Variants in EXOC6B observed in about 807,000 individuals in gnomAD.
The protein encoded by EXOC6B is SEC15 homolog B.
EXOC6B carries 54 observed loss-of-function variants against 113.5 expected under a neutral mutation model. The observed-to-expected ratio is 0.48, with a 90% CI of 0.38 to 0.60. EXOC6B has a LOEUF of 0.60. EXOC6B is among the 20% of genes least tolerant of loss of function. The probability of loss-of-function intolerance (pLI) is 0.00; values close to 1 mark genes in which losing one functional copy is unlikely to be tolerated. For synonymous variants in EXOC6B, 357 were observed against 339.0 expected (o/e 1.05, Z -0.58); for missense variants, 797 against 977.5 (o/e 0.82, Z 2.46).
intron 9 of EXOC6B, 56 bp downstream of exon 9, chr2:72,514,987 A>G (rs963174350): frequency 3.6e-5 from 53 of 1,467,930 alleles, no homozygotes; most frequent in Middle Eastern, 1.7e-4. Context: ...ACACGCATCA[A>G]AAGACATCAA....
At position 72,657,567 on chromosome 2, in the gene EXOC6B, CTTTTTTTTTTTT is replaced by C. The variant is rs70963136; in HGVS notation, c.669+60524_669+60535del. On this transcript the variant is annotated intron_variant, in intron 6 of 21. Coordinates refer to ENST00000272427, the MANE Select transcript of EXOC6B (RefSeq NM_015189.3). The stretch of plus-strand genomic sequence containing the variant: ...TATTAGGTCTTTCCTCTTTCCTTTT[CTTTTTTTTTTTT>C]TTTTTTTTTTTTTTTGTGGAGCTTT... 1.1e-3 allele frequency among the ~76,000 whole-genome samples: 55 copies of C among 50,382 alleles called. 1 individual carries two copies. The highest frequency in any genetic ancestry group is 5.0e-3 in the African/African-American group (52 of 10,464). 33.1% of individuals were successfully genotyped at this position (50,382 alleles called of 152,430 possible).
intron 17 of EXOC6B, among the ~76,000 whole-genome samples, chr2:72,474,364 CT>C (rs1214038704): frequency 9.9e-5 from 15 of 152,098 alleles, no homozygotes; most frequent in African/African-American, 3.6e-4. Context: ...TTTTCCAACT[CT>C]TTTTTATTTC....
chr2:72,821,696 C>T (rs1011120107), intron 1 of EXOC6B, among the ~76,000 whole-genome samples: 1 of 151,982 alleles, frequency 6.6e-6, no homozygotes, highest in Non-Finnish European at 1.5e-5. Flanking sequence ...CATTCAGTTA[C>T]CAAAAAAACC....
intron 8 of EXOC6B, among the ~76,000 whole-genome samples, chr2:72,535,514 C>T (rs1011220827): frequency 1.3e-5 from 2 of 152,212 alleles, no homozygotes; most frequent in African/African-American, 4.8e-5. Context: ...TGTGGCCTGA[C>T]GTGTGCATTA....
chr2:72,689,623 G>C (rs528779547), intron 6 of EXOC6B, among the ~76,000 whole-genome samples: 1 of 152,062 alleles, frequency 6.6e-6, no homozygotes, highest in Non-Finnish European at 1.5e-5. Flanking sequence ...TCTGATATTC[G>C]GGCCCTGTGG....
chr2:72,348,308 T>A (rs1689450481), intron 19 of EXOC6B, among the ~76,000 whole-genome samples: 1 of 152,150 alleles, frequency 6.6e-6, no homozygotes, highest in Admixed American at 6.6e-5. Flanking sequence ...ACATATGAAT[T>A]TTGGGGGAAC....
At chr2:72,730,053 C>T (rs1045349295) in intron 5 of EXOC6B, among the ~76,000 whole-genome samples, 3 of 152,104 alleles carry the variant, frequency 2.0e-5, no homozygotes, top group African/African-American at 4.8e-5. Flanking sequence ...TACTACAGGG[C>T]ATCTCAGGGC....
At chr2:72,682,837 C>A (rs534399191) in intron 6 of EXOC6B, among the ~76,000 whole-genome samples, 51 of 152,218 alleles carry the variant, frequency 3.4e-4, no homozygotes, top group African/African-American at 1.1e-3. Context: ...CAAATCCTAT[C>A]GTGGGGTTTC....
chr2:72,337,691 A>C (rs532564801), intron 19 of EXOC6B, among the ~76,000 whole-genome samples: 20 of 152,330 alleles, frequency 1.3e-4, no homozygotes, highest in Non-Finnish European at 2.6e-4. Flanking sequence ...AAAGAATGAC[A>C]GTTGCATCAG....
At chr2:72,485,576 C>T (rs973478454) in intron 16 of EXOC6B, among the ~76,000 whole-genome samples, 1 of 152,164 alleles carries the variant, frequency 6.6e-6, no homozygotes, top group African/African-American at 2.4e-5. Context: ...ATACCATCTC[C>T]ATGATTAAAA....
At chr2:72,283,596 T>G (rs1685257130) in intron 20 of EXOC6B, among the ~76,000 whole-genome samples, 1 of 152,096 alleles carries the variant, frequency 6.6e-6, no homozygotes. Flanking sequence ...TTGTGAGTTT[T>G]AACTCTAGGA....
rs143430435 is a variant in EXOC6B at position 72,485,906 on chromosome 2, T to C, written c.1666-5156A>G. Among the ~76,000 whole-genome samples, 235 of 152,300 alleles carry C rather than the reference T, an allele frequency of 1.5e-3. 1 individual carries two copies. The highest frequency in any genetic ancestry group is 5.5e-3 in the African/African-American group (228 of 41,560). Reference sequence around the variant, plus strand: ...TGATCATAAAAATACAAATACCCAATATGGTTTCACCAGAAGGAACTCTGA... The same window carrying C: ...TGATCATAAAAATACAAATACCCAACATGGTTTCACCAGAAGGAACTCTGA... On this transcript the variant is annotated intron_variant, in intron 16 of 21. Coordinates refer to ENST00000272427, the MANE Select transcript of EXOC6B (RefSeq NM_015189.3).
chr2:72,806,681 C>T (rs1008222851), intron 1 of EXOC6B, among the ~76,000 whole-genome samples: 1 of 152,178 alleles, frequency 6.6e-6, no homozygotes, highest in Non-Finnish European at 1.5e-5. Flanking sequence ...TCTCTGCAAC[C>T]TCACCAGCAT....
At chr2:72,641,965 G>A (rs1350667531) in intron 6 of EXOC6B, among the ~76,000 whole-genome samples, 1 of 152,236 alleles carries the variant, frequency 6.6e-6, no homozygotes, top group African/African-American at 2.4e-5. Context: ...TGGACCTCCA[G>A]CAAACTCTAA....
chr2:72,496,313 A>C (rs1444042255), intron 14 of EXOC6B, 141 bp downstream of exon 14: 1 of 569,086 alleles, frequency 1.8e-6, no homozygotes, highest in East Asian at 2.9e-5. Flanking sequence ...AAAAAAGAAA[A>C]AGAAAAAAGA....
At chr2:72,306,283 T>C (rs1452690862) in intron 20 of EXOC6B, among the ~76,000 whole-genome samples, 1 of 152,170 alleles carries the variant, frequency 6.6e-6, no homozygotes. Context: ...TTCTAGAGAG[T>C]TAGGTGACTT....
At chr2:72,435,938 T>C (rs1275476097) in intron 18 of EXOC6B, among the ~76,000 whole-genome samples, 1 of 152,204 alleles carries the variant, frequency 6.6e-6, no homozygotes, top group Non-Finnish European at 1.5e-5. Flanking sequence ...GATCCTGTCA[T>C]TATGATGTTA....
chr2:72,805,147 A>C (rs970085531), intron 1 of EXOC6B, among the ~76,000 whole-genome samples: 3 of 152,224 alleles, frequency 2.0e-5, no homozygotes, highest in African/African-American at 7.2e-5. Context: ...CCTGGTGCCT[A>C]GTTTGTCAAA....
chr2:72,394,005 C>CTT (rs940914520), intron 18 of EXOC6B, among the ~76,000 whole-genome samples: 2 of 152,152 alleles, frequency 1.3e-5, no homozygotes, highest in Non-Finnish European at 2.9e-5. Flanking sequence ...AGAACACTGA[C>CTT]TTTAACCTTT....
Sources: gnomAD v4.1 joint callset for allele counts (sites outside exome capture counted in the v4.1 genomes callset) on GRCh38, gnomAD v4.1.1 for gene constraint, MANE v1.5 for transcripts, NCBI Gene and HGNC (gene_info 2026-07-23, HGNC 2026-07-21) for gene names.